TMCC2: variants seen among roughly 807,000 people sequenced by gnomAD.
TMCC2 encodes the protein transmembrane and coiled-coil domains protein 2.
In TMCC2, 16 loss-of-function variants were observed where a neutral mutation model predicts 49.4. The ratio of observed to expected loss-of-function variants is 0.32; its 90% CI spans 0.22 to 0.49. TMCC2 has a LOEUF of 0.49. Ranked by LOEUF, TMCC2 falls within the 20% of genes least tolerant of loss-of-function variation. The pLI, the probability that TMCC2 is intolerant of heterozygous loss-of-function variation, is 0.99. For missense variants in TMCC2, 762 were observed against 989.8 expected, an observed-to-expected ratio of 0.77 and a Z score of 3.09; for synonymous variants, 397 against 434.1, an observed-to-expected ratio of 0.91 and a Z score of 1.06.
chr1:205,254,089 GCCT>G (rs1441516910), intron 2 of TMCC2, among the ~76,000 whole-genome samples: 2 of 152,132 alleles, frequency 1.3e-5, no homozygotes, highest in South Asian at 2.1e-4. Flanking sequence ...AGTTGCTCCT[GCCT>G]CCTCACAGTT....
chr1:205,260,942 G>A (rs1211588489), intron 2 of TMCC2, among the ~76,000 whole-genome samples: 6 of 152,158 alleles, frequency 3.9e-5, no homozygotes, highest in African/African-American at 7.2e-5. Context: ...GGACATCTGA[G>A]TTATGTCCAC....
At chr1:205,247,971 G>A (rs1264229043) in intron 2 of TMCC2, among the ~76,000 whole-genome samples, 5 of 152,190 alleles carry the variant, frequency 3.3e-5, no homozygotes, top group African/African-American at 1.2e-4. Flanking sequence ...TGTGACGGGG[G>A]ACAGATAGGG....
intron 1 of TMCC2, among the ~76,000 whole-genome samples, chr1:205,239,112 A>G (rs1465649580): frequency 6.6e-6 from 1 of 151,676 alleles, no homozygotes; most frequent in Non-Finnish European, 1.5e-5. Context: ...TAGAAGGGAA[A>G]CTCTTTCTGC....
rs775317589 is a variant in TMCC2, at chr1:205,241,693, C to T, written c.396C>T (p.Val132=). 1 of 1,613,734 alleles carries T rather than the reference C, an allele frequency of 6.2e-7. No homozygotes were observed. Among genetic ancestry groups the T allele is most frequent in the Admixed American group, 1.7e-5 (1 of 60,024 alleles). ...AGCGCTCTCCGGAGATGCATCGCGT[C>T]TCCTACGCCATGTCCCTGCACGACC... ...EKERSPEMHR[V]SYAMSLHDLP... Residue 132 remains valine, a synonymous_variant, in exon 2 of 5, where the codon GTC becomes GTT. Coordinates refer to ENST00000358024, the MANE Select transcript of TMCC2 (RefSeq NM_014858.4). This position sits in a 1 kb window ranked among gnomAD's most constrained non-coding sequence, Gnocchi z 7.3.
chr1:205,235,710 C>T (rs1022021230), intron 1 of TMCC2, among the ~76,000 whole-genome samples: 7 of 152,184 alleles, frequency 4.6e-5, no homozygotes, highest in African/African-American at 1.7e-4. Context: ...TTAAGTCTCT[C>T]TTCGTGTAAG....
At chr1:205,242,067 G>C in intron 2 of TMCC2, 23 bp downstream of exon 2, 1 of 1,548,550 alleles carries the variant, frequency 6.5e-7, no homozygotes, top group African/African-American at 1.4e-5. Context: ...TTCTGGGGCA[G>C]GGGGAGACTC....
chr1:205,229,007 G>A, intron 1 of TMCC2: 2 of 1,351,500 alleles, frequency 1.5e-6, no homozygotes, highest in Non-Finnish European at 1.9e-6. Flanking sequence ...GCGTTTTAGT[G>A]ACTCACCCAT....
At position 205,271,996 on chromosome 1, in the gene TMCC2, A is replaced by G. The variant is rs1485593967; in HGVS notation, c.2002A>G (p.Ile668Val). ...GTTCGTGTCCACCATCGCCAACTTC[A>G]TCACGCCCCTCATGAAGACACGCCT... ...LVFVSTIANF[I>V]TPLMKTRLRI... The change falls in exon 5 of 5, where the codon ATC becomes GTC. Residue 668 changes from isoleucine to valine, a missense_variant. By Grantham distance (29) the Ile-to-Val change is conservative. Around this residue, in one of 2 missense-constraint regions of TMCC2, gnomAD observed 440 missense variants for 636.7 expected, o/e 0.69. Coordinates refer to ENST00000358024, the MANE Select transcript of TMCC2 (RefSeq NM_014858.4). 1.9e-6 allele frequency: 3 copies of G among 1,614,124 alleles called. No individual in the cohort carries two copies. The highest frequency in any genetic ancestry group is 2.2e-5 in the East Asian group (1 of 44,874).
At chr1:205,269,937 A>G (rs953610130) in intron 3 of TMCC2, 53 bp downstream of exon 3, 4 of 1,553,752 alleles carry the variant, frequency 2.6e-6, no homozygotes, top group Non-Finnish European at 3.5e-6. Flanking sequence ...GGATGAGGCA[A>G]GGAGCACTGG....
intron 2 of TMCC2, among the ~76,000 whole-genome samples, chr1:205,258,261 T>C (rs1660958850): frequency 1.3e-5 from 2 of 151,980 alleles, no homozygotes; most frequent in African/African-American, 4.8e-5. Flanking sequence ...GAAATCCCCT[T>C]GTAGTAGAGC....
chr1:205,272,009 T>G lies in TMCC2; in HGVS notation c.2015T>G (p.Met672Arg). Residue 672 changes from methionine (M) to arginine (R), a missense_variant, in exon 5 of 5, where the codon ATG becomes AGG. Met to Arg is a moderately conservative substitution (Grantham distance 91). This residue lies in a region of TMCC2 where 440 missense variants were observed against 636.7 expected (regional missense o/e 0.69). Coordinates refer to ENST00000358024, the MANE Select transcript of TMCC2 (RefSeq NM_014858.4). ...STIANFITPL[M>R]KTRLRITSTT... The stretch of plus-strand genomic sequence containing the variant: ...ATCGCCAACTTCATCACGCCCCTCA[T>G]GAAGACACGCCTGCGCATCACCAGC... 1.2e-6 allele frequency: 2 copies of G among 1,614,196 alleles called. No homozygotes were observed. Among genetic ancestry groups the G allele is most frequent in the Non-Finnish European group, 1.7e-6 (2 of 1,180,024 alleles).
At chr1:205,249,923 C>T (rs985824246) in intron 2 of TMCC2, among the ~76,000 whole-genome samples, 3 of 152,226 alleles carry the variant, frequency 2.0e-5, no homozygotes, top group Non-Finnish European at 2.9e-5. Context: ...GTCTCAGTGA[C>T]TCAAAGCCCC....
intron 2 of TMCC2, among the ~76,000 whole-genome samples, chr1:205,249,627 A>T (rs1346651293): frequency 1.3e-5 from 2 of 152,202 alleles, no homozygotes; most frequent in Non-Finnish European, 2.9e-5. Flanking sequence ...CCTTCTGAGC[A>T]CACCACCACG....
At position 205,269,456 on chromosome 1, in the gene TMCC2, C is replaced by A; in HGVS notation, c.1254C>A (p.His418Gln). The part of the protein sequence containing the change: ...GSLSGLSQAT[H>Q]TAVVSKPREF... ...TCTCTGGCCTCTCACAGGCCACCCA[C>A]ACCGCCGTGGTGTCCAAGCCCCGGG... is the stretch of plus-strand genomic sequence containing the variant. Residue 418 changes from histidine to glutamine, a missense_variant, in exon 3 of 5, where the codon CAC (histidine) becomes CAA (glutamine). Around this residue, in one of 2 missense-constraint regions of TMCC2, gnomAD observed 440 missense variants for 636.7 expected, o/e 0.69. Coordinates refer to ENST00000358024, the MANE Select transcript of TMCC2 (RefSeq NM_014858.4). The A allele has an allele frequency of 6.2e-7, 1 of 1,606,362 alleles. No homozygotes were observed. The highest frequency in any genetic ancestry group is 8.5e-7 in the Non-Finnish European group (1 of 1,174,726).
At chr1:205,250,959 G>A (rs1172156) in intron 2 of TMCC2, among the ~76,000 whole-genome samples, 74,627 of 151,982 alleles carry the variant, frequency 0.49, 20,453 homozygotes, top group Non-Finnish European at 0.61. Flanking sequence ...TACCCAGCAC[G>A]TTCTTCCCTG....
At chr1:205,242,747 G>A (rs1339367289) in intron 2 of TMCC2, among the ~76,000 whole-genome samples, 2 of 152,216 alleles carry the variant, frequency 1.3e-5, no homozygotes, top group African/African-American at 2.4e-5. Context: ...GGGAGCTGCT[G>A]TGGGAGCTTC....
chr1:205,245,628 G>A (rs1325770759), intron 2 of TMCC2, among the ~76,000 whole-genome samples: 1 of 152,120 alleles, frequency 6.6e-6, no homozygotes, highest in Non-Finnish European at 1.5e-5. Flanking sequence ...AAAATGTTTG[G>A]ATGTTCATTC....
At chr1:205,230,368 GCT>G (rs1420324536) in intron 1 of TMCC2, among the ~76,000 whole-genome samples, 1 of 152,192 alleles carries the variant, frequency 6.6e-6, no homozygotes, top group Non-Finnish European at 1.5e-5. Context: ...TGTGGGATAG[GCT>G]CTCTCTGCAC....
At chr1:205,244,911 G>A (rs919646052) in intron 2 of TMCC2, among the ~76,000 whole-genome samples, 3 of 152,060 alleles carry the variant, frequency 2.0e-5, no homozygotes, top group African/African-American at 7.3e-5. Context: ...AGAGGGCATT[G>A]GAGTTTACAA....
Sources: allele counts gnomAD v4.1 joint callset (sites outside exome capture counted in the v4.1 genomes callset), GRCh38; gene constraint gnomAD v4.1.1; regional missense constraint gnomAD v4.1.1; non-coding constraint Gnocchi (gnomAD v3.1); transcripts MANE v1.5; gene names NCBI Gene and HGNC (gene_info 2026-07-23, HGNC 2026-07-21).